The following CALN1 variants were observed in gnomAD, a reference collection of about 807,000 sequenced individuals.
CALN1 encodes calneuron 1.
In CALN1, 17 loss-of-function variants were observed where a neutral mutation model predicts 30.6. The observed-to-expected ratio is 0.56, with a 90% CI of 0.38 to 0.83. The LOEUF (loss-of-function observed/expected upper bound fraction) is 0.83, where lower values mean the gene tolerates loss of function less well. Ranked by LOEUF, CALN1 falls within the 40% of genes least tolerant of loss-of-function variation. The probability of loss-of-function intolerance (pLI) is 0.00; values close to 1 mark genes in which losing one functional copy is unlikely to be tolerated. For missense variants in CALN1, 291 were observed against 354.9 expected, an observed-to-expected ratio of 0.82 and a Z score of 1.45; for synonymous variants, 156 against 131.4, an observed-to-expected ratio of 1.19 and a Z score of -1.28.
At chr7:71,982,433 A>G (rs1798448932) in intron 5 of CALN1, among the ~76,000 whole-genome samples, 1 of 152,156 alleles carries the variant, frequency 6.6e-6, no homozygotes, top group Admixed American at 6.5e-5. Flanking sequence ...TGTCTCTACT[A>G]AAAATATAAA....
chr7:72,361,679 G>C (rs1331387785), intron 2 of CALN1, among the ~76,000 whole-genome samples: 1 of 152,154 alleles, frequency 6.6e-6, no homozygotes, highest in Non-Finnish European at 1.5e-5. Context: ...CCACACTCTG[G>C]ACTCAGGAAA....
At chr7:72,284,321 A>G (rs964874633) in intron 2 of CALN1, among the ~76,000 whole-genome samples, 1 of 152,214 alleles carries the variant, frequency 6.6e-6, no homozygotes, top group Non-Finnish European at 1.5e-5. Context: ...TAAATAAACT[A>G]AAGAGCCTCA....
At position 71,978,262 on chromosome 7, in the gene CALN1, C is replaced by CTT. The variant is rs1010635078; in HGVS notation, c.501+45393_501+45394dup. On this transcript the variant is annotated intron_variant, in intron 5 of 6. Transcript: ENST00000395275. ...AAAAACTCAGGGACTCTAGAGAATT[C>CTT]TTTTTTTTTTTTTTTTTTTTTTTTT... Among the ~76,000 whole-genome samples, 124 of 72,932 alleles carry CTT rather than the reference C, an allele frequency of 1.7e-3. 6 individuals are homozygous for CTT. The highest frequency in any genetic ancestry group is 3.1e-3 in the African/African-American group (55 of 17,640). 47.8% of individuals were successfully genotyped at this position (72,932 alleles called of 152,430 possible). A position where few individuals can be genotyped will look rare whatever the true frequency, so the allele number is the denominator to read the frequency against.
intron 3 of CALN1, among the ~76,000 whole-genome samples, chr7:72,185,519 G>A (rs1790124194): frequency 6.6e-6 from 1 of 152,154 alleles, no homozygotes; most frequent in Admixed American, 6.6e-5. Flanking sequence ...CTCCAAAGAT[G>A]TCCATGTCTA....
intron 5 of CALN1, among the ~76,000 whole-genome samples, chr7:72,012,952 C>A (rs576031878): frequency 6.6e-6 from 1 of 152,128 alleles, no homozygotes; most frequent in South Asian, 2.1e-4. Flanking sequence ...CACGCCACCA[C>A]GCTTGGCTGA....
chr7:72,148,936 A>AGAAG (rs1010668231), intron 3 of CALN1, among the ~76,000 whole-genome samples: 3 of 141,478 alleles, frequency 2.1e-5, no homozygotes, highest in Admixed American at 7.0e-5. Context: ...AAGAAAAAAA[A>AGAAG]GAAGGAAGGA....
Position 72,383,062 on chromosome 7 carries a change from G to A in CALN1, c.119+20189C>T, listed in dbSNP as rs370811694. On this transcript the variant is annotated intron_variant, in intron 2 of 6. Coordinates refer to ENST00000395275, the MANE Select transcript of CALN1 (RefSeq NM_031468.4). ...CGGCCTCCCAAAGTGCTGGGATTAC[G>A]GGCATGAGCCACCCTGCCCAGCCAG... is the stretch of plus-strand genomic sequence containing the variant. Among the ~76,000 whole-genome samples, 8 of 152,234 alleles carry A rather than the reference G, an allele frequency of 5.3e-5. No homozygotes were observed. In the South Asian group the frequency reaches 6.2e-4, roughly 12 times the overall value.
At chr7:72,284,945 C>T (rs1199083611) in intron 2 of CALN1, among the ~76,000 whole-genome samples, 2 of 151,870 alleles carry the variant, frequency 1.3e-5, no homozygotes, top group Non-Finnish European at 2.9e-5. Flanking sequence ...TTTTTTTCCT[C>T]TACAGTACCA....
intron 2 of CALN1, among the ~76,000 whole-genome samples, chr7:72,352,075 G>C (rs1802949964): frequency 6.6e-6 from 1 of 152,118 alleles, no homozygotes; most frequent in African/African-American, 2.4e-5. Context: ...GGTCAGGCAG[G>C]AGAATCATTT....
Position 72,273,961 on chromosome 7 carries a change from G to C in CALN1, c.244+4725C>G, listed in dbSNP as rs1314835799. ...ATGCAAAAGAAAGTTACCATCATCTGGAAGACGTAGAGAAAAAGACTTTTA... is the reference window on the plus strand; with the variant it reads ...ATGCAAAAGAAAGTTACCATCATCTCGAAGACGTAGAGAAAAAGACTTTTA... On this transcript the variant is annotated intron_variant, in intron 3 of 6. Coordinates refer to ENST00000395275, the MANE Select transcript of CALN1 (RefSeq NM_031468.4). 3.3e-5 allele frequency among the ~76,000 whole-genome samples: 5 copies of C among 151,890 alleles called. No homozygotes were observed. The East Asian group carries it at 9.6e-4, about 29-fold the overall frequency.
At chr7:71,811,226 G>T (rs995321209) in intron 5 of CALN1, among the ~76,000 whole-genome samples, 1 of 151,946 alleles carries the variant, frequency 6.6e-6, no homozygotes, top group Non-Finnish European at 1.5e-5. Context: ...AAAAAATTTA[G>T]AGACAGGGTC....
chr7:72,344,644 AT>A (rs71515108), intron 2 of CALN1, among the ~76,000 whole-genome samples: 53,764 of 145,868 alleles, frequency 0.37, 10,707 homozygotes, highest in Admixed American at 0.45. Flanking sequence ...ATATATTTAT[AT>A]TTTTTTATTT....
intron 5 of CALN1, among the ~76,000 whole-genome samples, chr7:71,933,752 A>G (rs1177922584): frequency 6.6e-6 from 1 of 152,136 alleles, no homozygotes; most frequent in Non-Finnish European, 1.5e-5. Flanking sequence ...TCTCCCAGTG[A>G]GAATGTAAGT....
At chr7:72,487,950 GAAGGA>G in the CALN1 span, among the ~76,000 whole-genome samples, 15 of 73,858 alleles carry the variant, frequency 2.0e-4, no homozygotes, top group East Asian at 5.4e-4. Flanking sequence ...AGGAAGGAAG[GAAGGA>G]AAGGAAGGAA....
intron 2 of CALN1, among the ~76,000 whole-genome samples, chr7:72,322,892 C>G (rs964232700): frequency 6.6e-6 from 1 of 151,606 alleles, no homozygotes; most frequent in Non-Finnish European, 1.5e-5. Flanking sequence ...ACACTGCATG[C>G]CTGTATCAAA....
intron 2 of CALN1, among the ~76,000 whole-genome samples, chr7:72,364,496 A>C (rs781719415): frequency 2.0e-5 from 3 of 152,216 alleles, no homozygotes; most frequent in Non-Finnish European, 2.9e-5. Context: ...AGGAAGCTTC[A>C]TAAGGAAAGG....
At chr7:72,311,857 A>G (rs1043333539) in intron 2 of CALN1, among the ~76,000 whole-genome samples, 4 of 151,914 alleles carry the variant, frequency 2.6e-5, no homozygotes, top group African/African-American at 4.8e-5. Flanking sequence ...TGCCACAACA[A>G]GGCTCAGACT....
intron 3 of CALN1, among the ~76,000 whole-genome samples, chr7:72,218,928 G>A (rs1392192493): frequency 1.3e-5 from 2 of 152,194 alleles, no homozygotes; most frequent in African/African-American, 2.4e-5. Context: ...TCAGGAAGGG[G>A]CTGGGTAGGA....
chr7:71,889,785 T>G (rs891010022), intron 5 of CALN1, among the ~76,000 whole-genome samples: 14 of 152,108 alleles, frequency 9.2e-5, no homozygotes, highest in South Asian at 4.1e-4. Flanking sequence ...CGAAACCCTG[T>G]CTCTACTAAA....
Sources: allele counts gnomAD v4.1 joint callset (sites outside exome capture counted in the v4.1 genomes callset), GRCh38; gene constraint gnomAD v4.1.1; transcripts MANE v1.5; gene names NCBI Gene and HGNC (gene_info 2026-07-23, HGNC 2026-07-21).